Variants in BTNL9 observed in about 807,000 individuals in gnomAD.
BTNL9 encodes butyrophilin like 9, also known as butyrophilin-like protein 9.
In BTNL9, 45 loss-of-function variants were observed where a neutral mutation model predicts 45.8. The ratio of observed to expected loss-of-function variants is 0.98; its 90% CI spans 0.77 to 1.26. The LOEUF is 1.26. Among genes scored for constraint, BTNL9 ranks in the 50% most tolerant of loss-of-function variants. The pLI, the probability that BTNL9 is intolerant of heterozygous loss-of-function variation, is 0.00. For missense variants in BTNL9, 784 were observed against 729.7 expected (o/e 1.07, Z -0.86); for synonymous variants, 346 against 330.8 (o/e 1.05, Z -0.50).
Position 181,060,152 on chromosome 5 carries a change from C to G in BTNL9, c.*290C>G. The stretch of plus-strand genomic sequence containing the variant: ...TCACGGTGGGCGGTGGGCAAGAAGC[C>G]AGCATGGAAGAAAGAAGGGAGAAAA... On this transcript the variant is annotated 3_prime_UTR_variant, in exon 11 of 11. Transcript: ENST00000327705. The G allele has an allele frequency of 2.4e-6, 1 of 418,538 alleles. No individual in the cohort carries two copies. Among genetic ancestry groups the G allele is most frequent in the Non-Finnish European group, 4.2e-6 (1 of 237,606 alleles). The allele number at this position is 418,538 out of a possible 1,614,324, so 25.9% of individuals were successfully genotyped here.
At position 181,045,335 on chromosome 5, in the gene BTNL9, G is replaced by A. The variant is rs1348012523; in HGVS notation, c.-23-132G>A. 20 of 592,324 alleles carry A rather than the reference G, an allele frequency of 3.4e-5. No individual in the cohort carries two copies. In the East Asian group the frequency reaches 5.1e-4, roughly 15 times the overall value. The allele number at this position is 592,324 out of a possible 1,614,324, so 36.7% of individuals were successfully genotyped here. ...CCTCTGGCCATGGAAGAAGCCAAGC[G>A]CTGAGGCTTGTAAGGAATTTGAGAA... On this transcript the variant is annotated intron_variant, in intron 1 of 10. Coordinates refer to ENST00000327705, the MANE Select transcript of BTNL9 (RefSeq NM_152547.5).
At position 181,059,433 on chromosome 5, in the gene BTNL9, C is replaced by T. The variant is rs1199980747; in HGVS notation, c.1179C>T (p.Arg393=). Residue 393 remains arginine, a synonymous_variant, in exon 11 of 11, where the codon CGC becomes CGT. Transcript: ENST00000327705. ...RHYWEVHVGR[R]SRWFLGACLA... ...ACTGGGAGGTGCACGTGGGCCGCCG[C>T]AGCCGCTGGTTCCTGGGCGCCTGCC... The T allele has an allele frequency of 6.8e-7, 1 of 1,477,022 alleles. No individual in the cohort carries two copies. Among genetic ancestry groups the T allele is most frequent in the Non-Finnish European group, 8.9e-7 (1 of 1,118,552 alleles). The allele number at this position is 1,477,022 out of a possible 1,614,324, so 91.5% of individuals were successfully genotyped here. A position where few individuals can be genotyped will look rare whatever the true frequency, so the allele number is the denominator to read the frequency against.
intron 3 of BTNL9, among the ~76,000 whole-genome samples, chr5:181,048,719 ATATATATC>A (rs1761330002): frequency 8.8e-6 from 1 of 114,128 alleles, no homozygotes; most frequent in Non-Finnish European, 1.8e-5. Context: ...TGAAATATAT[ATATATATC>A]TATATATATA....
chr5:181,050,369 G>A lies in BTNL9; in HGVS notation c.736G>A (p.Asp246Asn). The A allele has an allele frequency of 6.2e-7, 1 of 1,613,750 alleles. No individual in the cohort carries two copies. Among genetic ancestry groups the A allele is most frequent in the Non-Finnish European group, 8.5e-7 (1 of 1,179,868 alleles). ...GAAAGAGTTGGTGGTCCAGATAGCAGGTCAGTGGCTGTTAGCTCACACCCA... is the reference window on the plus strand; with the variant it reads ...GAAAGAGTTGGTGGTCCAGATAGCAAGTCAGTGGCTGTTAGCTCACACCCA... ...QKKELVVQIA[D>N]VFVPGASAWK... Residue 246 changes from aspartate to asparagine, a missense_variant and splice_region_variant, in exon 4 of 11, where the codon GAC becomes AAC. By Grantham distance (23) the Asp-to-Asn change is conservative. Transcript: ENST00000327705. This position sits in a 1 kb window ranked among gnomAD's most constrained non-coding sequence, Gnocchi z 4.9.
Position 181,055,360 on chromosome 5 carries a change from C to A in BTNL9, c.908-73C>A. ...TGGCTTAAGACTAAGGAAGCTCTTC[C>A]CAGTGGCCTGTCTTGGGAAGATGGT... On this transcript the variant is annotated intron_variant, in intron 7 of 10. Transcript: ENST00000327705. This position sits in a 1 kb window ranked among gnomAD's most constrained non-coding sequence, Gnocchi z 4.4. 6.2e-7 allele frequency: 1 copy of A among 1,613,384 alleles called. No individual in the cohort carries two copies. Among genetic ancestry groups the A allele is most frequent in the Non-Finnish European group, 8.5e-7 (1 of 1,179,754 alleles).
intron 7 of BTNL9, chr5:181,054,886 A>G (rs975094808): frequency 5.1e-6 from 5 of 985,390 alleles, no homozygotes; most frequent in African/African-American, 1.7e-5. Context: ...TCATAACACT[A>G]TAGCATGAAT....
chr5:181,060,381 AT>A lies in BTNL9; in HGVS notation c.*522del, dbSNP rs1762102298. On this transcript the variant is annotated 3_prime_UTR_variant, in exon 11 of 11. Transcript: ENST00000327705. ...AGCTGCTTCTGGAGCCGGGGCAAAAATTTCAAGGTGAGCCTGGAGCATTGTG... is the reference window on the plus strand; with the variant it reads ...AGCTGCTTCTGGAGCCGGGGCAAAAATTCAAGGTGAGCCTGGAGCATTGTG... 1 of 152,472 alleles carries A rather than the reference AT, an allele frequency of 6.6e-6. No individual in the cohort carries two copies. Among genetic ancestry groups the A allele is most frequent in the Admixed American group, 6.5e-5 (1 of 15,288 alleles). 9.4% of individuals were successfully genotyped at this position (152,472 alleles called of 1,614,324 possible).
chr5:181,051,203 G>A (rs766052545), intron 4 of BTNL9, among the ~76,000 whole-genome samples: 76 of 152,106 alleles, frequency 5.0e-4, no homozygotes, highest in Non-Finnish European at 8.8e-5. Context: ...AAGTGGGCGT[G>A]TAGGCAGTGA....
rs777965406 is a variant in BTNL9 at position 181,059,712 on chromosome 5, C to G, written c.1458C>G (p.Phe486Leu). The G allele has an allele frequency of 6.2e-7, 1 of 1,613,596 alleles. No homozygotes were observed. Among genetic ancestry groups the G allele is most frequent in the South Asian group, 1.1e-5 (1 of 91,080 alleles). ...TCTCGGGCGCGCTCTGTGCGTACTT[C>G]AGGCCCAGGGCCCACGACGGCGGCG... ...DTFSGALCAY[F>L]RPRAHDGGEH... Residue 486 changes from phenylalanine (F) to leucine (L), a missense_variant, in exon 11 of 11, where the codon TTC becomes TTG. By Grantham distance (22) the Phe-to-Leu change is conservative. Coordinates refer to ENST00000327705, the MANE Select transcript of BTNL9 (RefSeq NM_152547.5).
chr5:181,048,902 AAT>A (rs1309877986), intron 3 of BTNL9, among the ~76,000 whole-genome samples: 13 of 66,070 alleles, frequency 2.0e-4, no homozygotes, highest in Non-Finnish European at 4.3e-4. Context: ...ATGATATATA[AAT>A]ATATATAATA....
chr5:181,047,819 T>G, intron 2 of BTNL9, 108 bp from the exon 3 acceptor site: 2 of 1,034,092 alleles, frequency 1.9e-6, no homozygotes, highest in Non-Finnish European at 2.8e-6. Flanking sequence ...TATCTCACCT[T>G]TCTTGTTTTT....
At position 181,055,343 on chromosome 5, in the gene BTNL9, G is replaced by A; in HGVS notation, c.908-90G>A. Reference sequence around the variant, plus strand: ...GAAGCTGTGATTAGCAGTGGCTTAAGACTAAGGAAGCTCTTCCCAGTGGCC... The same window carrying A: ...GAAGCTGTGATTAGCAGTGGCTTAAAACTAAGGAAGCTCTTCCCAGTGGCC... On this transcript the variant is annotated intron_variant, in intron 7 of 10. Transcript: ENST00000327705. This position sits in a 1 kb window ranked among gnomAD's most constrained non-coding sequence, Gnocchi z 4.4. The A allele has an allele frequency of 1.9e-6, 3 of 1,610,322 alleles. No individual in the cohort carries two copies. The highest frequency in any genetic ancestry group is 2.5e-6 in the Non-Finnish European group (3 of 1,178,690).
At position 181,055,248 on chromosome 5, in the gene BTNL9, G is replaced by A; in HGVS notation, c.908-185G>A. ...TGAGCTAAGATAGGATGAGGCATAA[G>A]AGTCCTGCAGATGGGCCTCTTTTTG... is the stretch of plus-strand genomic sequence containing the variant. On this transcript the variant is annotated intron_variant, in intron 7 of 10. Transcript: ENST00000327705. This position sits in a 1 kb window ranked among gnomAD's most constrained non-coding sequence, Gnocchi z 4.4. 1 of 1,462,294 alleles carries A rather than the reference G, an allele frequency of 6.8e-7. No individual in the cohort carries two copies. The highest frequency in any genetic ancestry group is 2.4e-5 in the East Asian group (1 of 41,256). 90.6% of individuals were successfully genotyped at this position (1,462,294 alleles called of 1,614,324 possible).
chr5:181,054,305 C>T, intron 7 of BTNL9, 46 bp downstream of exon 7: 1 of 1,606,540 alleles, frequency 6.2e-7, no homozygotes, highest in South Asian at 1.1e-5. Context: ...CAGCCGGACC[C>T]TGTGCCTGTG....
chr5:181,058,642 T>C (rs1022202527), intron 10 of BTNL9, among the ~76,000 whole-genome samples: 5 of 152,130 alleles, frequency 3.3e-5, no homozygotes, highest in Admixed American at 3.3e-4. Context: ...TTGAGGCTAT[T>C]TGCAGGCGAG....
At position 181,045,522 on chromosome 5, in the gene BTNL9, G is replaced by A. The variant is rs1055302785; in HGVS notation, c.33G>A (p.Leu11=). The stretch of plus-strand genomic sequence containing the variant: ...ACCTCTCAGTCTCCCCAGACTCCTT[G>A]AAGCCAGTATCGCTGACCAGCAGTC... MVDLSVSPDS[L]KPVSLTSSLV... is the part of the protein sequence containing the mutation. Residue 11 remains leucine (L), a synonymous_variant, in exon 2 of 11, where the codon TTG becomes TTA. Transcript: ENST00000327705. The A allele has an allele frequency of 1.2e-5, 19 of 1,612,230 alleles. No homozygotes were observed. The highest frequency in any genetic ancestry group is 1.7e-5 in the Admixed American group (1 of 59,954).
Position 181,050,357 on chromosome 5 carries a change from G to A in BTNL9, c.724G>A (p.Val242Ile), listed in dbSNP as rs1761466772. Residue 242 changes from valine (V) to isoleucine (I), a missense_variant, in exon 4 of 11, where the codon GTC (valine) becomes ATC (isoleucine). Coordinates refer to ENST00000327705, the MANE Select transcript of BTNL9 (RefSeq NM_152547.5). The surrounding 1 kb of genome is among the most constrained non-coding windows in gnomAD (Gnocchi z 4.9). ...CTTGAGCCAGAAGAAAGAGTTGGTG[G>A]TCCAGATAGCAGGTCAGTGGCTGTT... ...LLLSQKKELV[V>I]QIADVFVPGA... The A allele has an allele frequency of 6.2e-7, 1 of 1,613,958 alleles. No individual in the cohort carries two copies. The highest frequency in any genetic ancestry group is 8.5e-7 in the Non-Finnish European group (1 of 1,179,994).
At chr5:181,058,230 C>T in intron 9 of BTNL9, 122 bp from the exon 10 acceptor site, 1 of 1,178,910 alleles carries the variant, frequency 8.5e-7, no homozygotes, top group South Asian at 1.3e-5. Flanking sequence ...AACCAGTTGT[C>T]ACAGTGGGAA....
chr5:181,056,699 G>A, intron 9 of BTNL9: 1 of 697,936 alleles, frequency 1.4e-6, no homozygotes, highest in South Asian at 1.6e-5. Context: ...GCCCATGGTG[G>A]GTATGTCCAC....
Sources: gnomAD v4.1 joint callset for allele counts (sites outside exome capture counted in the v4.1 genomes callset) on GRCh38, gnomAD v4.1.1 for gene constraint, Gnocchi (gnomAD v3.1) non-coding constraint, MANE v1.5 for transcripts, NCBI Gene and HGNC (gene_info 2026-07-23, HGNC 2026-07-21) for gene names.